Variants in TRHDE observed in about 807,000 individuals in gnomAD.
TRHDE encodes the protein thyrotropin-releasing hormone-degrading ectoenzyme.
In TRHDE, 72 loss-of-function variants were observed where a neutral mutation model predicts 125.7. The observed-to-expected ratio is 0.57, with a 90% CI of 0.47 to 0.70. The LOEUF is 0.70. Ranked by LOEUF, TRHDE falls within the 30% of genes least tolerant of loss-of-function variation. The pLI, the probability that TRHDE is intolerant of heterozygous loss-of-function variation, is 0.00. For synonymous variants in TRHDE, 509 were observed against 509.1 expected, an observed-to-expected ratio of 1.00 and a Z score of 0.00; for missense variants, 1,110 against 1,327.1, an observed-to-expected ratio of 0.84 and a Z score of 2.54.
chr12:72,643,462 T>G (rs544174497), intron 15 of TRHDE, among the ~76,000 whole-genome samples: 1 of 152,284 alleles, frequency 6.6e-6, no homozygotes, highest in South Asian at 2.1e-4. Context: ...TTTCTCTTGA[T>G]TTGAGGCTAC....
At chr12:72,634,910 C>T (rs539065163) in intron 15 of TRHDE, among the ~76,000 whole-genome samples, 1 of 152,054 alleles carries the variant, frequency 6.6e-6, no homozygotes, top group East Asian at 1.9e-4. Context: ...ATTGATGGAC[C>T]TTTGGGTTGG....
chr12:72,587,072 A>G (rs532877714), intron 12 of TRHDE, among the ~76,000 whole-genome samples: 6 of 152,344 alleles, frequency 3.9e-5, no homozygotes, highest in Admixed American at 3.9e-4. Flanking sequence ...AGCTGAGGGC[A>G]GATCATGAAT....
intron 17 of TRHDE, 141 bp from the exon 18 acceptor site, chr12:72,656,785 TG>T: frequency 1.6e-6 from 1 of 631,366 alleles, no homozygotes; most frequent in Non-Finnish European, 2.8e-6. Context: ...CCTAGAGAAA[TG>T]GGCTTGAGTG....
intron 2 of TRHDE, among the ~76,000 whole-genome samples, chr12:72,206,043 T>C (rs1444808567): frequency 1.3e-5 from 2 of 151,782 alleles, no homozygotes; most frequent in Non-Finnish European, 2.9e-5. Flanking sequence ...ATGGTGGCCA[T>C]CCTAACAGGT....
chr12:72,418,918 C>T (rs907149007), intron 3 of TRHDE, among the ~76,000 whole-genome samples: 3 of 152,042 alleles, frequency 2.0e-5, no homozygotes, highest in African/African-American at 7.2e-5. Flanking sequence ...AGAACAATCT[C>T]TATTATTAAA....
chr12:72,642,525 AG>A (rs1299337073), intron 15 of TRHDE, among the ~76,000 whole-genome samples: 1 of 152,150 alleles, frequency 6.6e-6, no homozygotes, highest in Non-Finnish European at 1.5e-5. Context: ...AAAAAGATGA[AG>A]GTATTTTATT....
chr12:72,290,566 T>C (rs1287197175), intron 2 of TRHDE, among the ~76,000 whole-genome samples: 1 of 152,198 alleles, frequency 6.6e-6, no homozygotes, highest in Non-Finnish European at 1.5e-5. Flanking sequence ...GCAACTTCTC[T>C]GTGTTCAATA....
At chr12:72,287,051 C>A (rs1226640590) in intron 2 of TRHDE, 97 bp downstream of exon 2, 13 of 1,253,418 alleles carry the variant, frequency 1.0e-5, no homozygotes, top group South Asian at 4.4e-5. Flanking sequence ...AACCTTTTTA[C>A]ACCTTATATA....
At chr12:72,447,785 C>T (rs1439296544) in intron 3 of TRHDE, among the ~76,000 whole-genome samples, 1 of 152,014 alleles carries the variant, frequency 6.6e-6, no homozygotes, top group Non-Finnish European at 1.5e-5. Context: ...GAGAATTGAT[C>T]TGGAGTGGGG....
chr12:72,346,074 A>G (rs973532476), intron 2 of TRHDE, among the ~76,000 whole-genome samples: 4 of 80,614 alleles, frequency 5.0e-5, no homozygotes, highest in African/African-American at 1.1e-4. Context: ...AGTGACACAG[A>G]ACATAAATTT....
chr12:72,210,105 A>G (rs964077623), intron 2 of TRHDE, among the ~76,000 whole-genome samples: 1 of 152,162 alleles, frequency 6.6e-6, no homozygotes, highest in Admixed American at 6.6e-5. Context: ...AAGTTTCAAT[A>G]TTAATATTTT....
intron 12 of TRHDE, among the ~76,000 whole-genome samples, chr12:72,584,081 C>A (rs1871349146): frequency 6.6e-6 from 1 of 151,848 alleles, no homozygotes; most frequent in Non-Finnish European, 1.5e-5. Flanking sequence ...ACAAGGATGA[C>A]AAACTTTCTT....
intron 15 of TRHDE, among the ~76,000 whole-genome samples, chr12:72,633,304 G>C (rs1322013540): frequency 1.3e-5 from 2 of 151,882 alleles, no homozygotes; most frequent in African/African-American, 4.8e-5. Context: ...ATGCCTCTTT[G>C]CAAACATGCA....
At chr12:72,428,392 A>G (rs773944781) in intron 3 of TRHDE, among the ~76,000 whole-genome samples, 3 of 152,192 alleles carry the variant, frequency 2.0e-5, no homozygotes, top group Middle Eastern at 3.4e-3. Context: ...ATCTATGCCT[A>G]TATCTGTGGG....
chr12:72,371,543 C>A (rs867121486), intron 2 of TRHDE, among the ~76,000 whole-genome samples: 1 of 151,186 alleles, frequency 6.6e-6, no homozygotes, highest in Non-Finnish European at 1.5e-5. Context: ...CTTCCCCCCT[C>A]CCCCAACCCC....
chr12:72,149,766 C>T (rs535088249), intron 2 of TRHDE, among the ~76,000 whole-genome samples: 18 of 152,172 alleles, frequency 1.2e-4, no homozygotes, highest in African/African-American at 4.3e-4. Context: ...CAAACACAAG[C>T]ATATTTACTA....
intron 6 of TRHDE, among the ~76,000 whole-genome samples, chr12:72,516,035 G>A (rs1186525805): frequency 3.3e-5 from 5 of 151,254 alleles, no homozygotes; most frequent in Non-Finnish European, 5.9e-5. Flanking sequence ...TGCTGTTTTG[G>A]TTACTGTAGC....
chr12:72,419,842 G>A (rs1873878961), intron 3 of TRHDE, among the ~76,000 whole-genome samples: 1 of 152,272 alleles, frequency 6.6e-6, no homozygotes, highest in South Asian at 2.1e-4. Flanking sequence ...TAGTTGCCAT[G>A]CACTTCCTTC....
intron 3 of TRHDE, among the ~76,000 whole-genome samples, chr12:72,402,281 G>T (rs533877214): frequency 6.6e-6 from 1 of 150,540 alleles, no homozygotes; most frequent in African/African-American, 2.5e-5. Flanking sequence ...AAAAAAAACC[G>T]CAAAAAAAAA....
Sources: gnomAD v4.1 joint callset for allele counts (sites outside exome capture counted in the v4.1 genomes callset) on GRCh38, gnomAD v4.1.1 for gene constraint, MANE v1.5 for transcripts, NCBI Gene and HGNC (gene_info 2026-07-23, HGNC 2026-07-21) for gene names.